Variants in SLC9A9 observed in about 807,000 individuals in gnomAD.
SLC9A9 encodes solute carrier family 9 member A9, also known as sodium/hydrogen exchanger 9.
Under a neutral mutation model 77.8 loss-of-function variants are expected in SLC9A9, and 62 were observed. The ratio of observed to expected loss-of-function variants is 0.80; its 90% CI spans 0.65 to 0.98. The LOEUF (loss-of-function observed/expected upper bound fraction) is 0.98, where lower values mean the gene tolerates loss of function less well. Among genes scored for constraint, SLC9A9 ranks in the 50% least tolerant of loss-of-function variants. The probability of loss-of-function intolerance (pLI) is 0.00; values close to 1 mark genes in which losing one functional copy is unlikely to be tolerated. For missense variants in SLC9A9, 775 were observed against 774.9 expected (o/e 1.00, Z 0.00); for synonymous variants, 320 against 283.5 (o/e 1.13, Z -1.29).
intron 4 of SLC9A9, among the ~76,000 whole-genome samples, chr3:143,779,174 T>C (rs532500776): frequency 1.3e-5 from 2 of 152,200 alleles, no homozygotes; most frequent in Non-Finnish European, 2.9e-5. Context: ...CTATCATAAG[T>C]CTCAAACTTT....
intron 1 of SLC9A9, among the ~76,000 whole-genome samples, chr3:143,834,614 A>T (rs1167284260): frequency 6.7e-6 from 1 of 149,764 alleles, no homozygotes; most frequent in Non-Finnish European, 1.5e-5. Context: ...TCAATGAAAC[A>T]ACAAGAAATA....
intron 14 of SLC9A9, among the ~76,000 whole-genome samples, chr3:143,298,137 G>A (rs1408353919): frequency 6.6e-6 from 1 of 152,176 alleles, no homozygotes; most frequent in Non-Finnish European, 1.5e-5. Flanking sequence ...TTCTACATTA[G>A]GTTTAGCCAT....
intron 14 of SLC9A9, among the ~76,000 whole-genome samples, chr3:143,306,089 T>G (rs1478431014): frequency 6.6e-6 from 1 of 152,012 alleles, no homozygotes; most frequent in Non-Finnish European, 1.5e-5. Context: ...AATGTGAGAC[T>G]GACAAATATG....
At chr3:143,782,321 A>T (rs1008840888) in intron 4 of SLC9A9, among the ~76,000 whole-genome samples, 2 of 152,222 alleles carry the variant, frequency 1.3e-5, no homozygotes, top group Non-Finnish European at 2.9e-5. Flanking sequence ...CAGTGTGCTT[A>T]GGAATTACCT....
At chr3:143,803,535 C>A (rs1001917757) in intron 2 of SLC9A9, among the ~76,000 whole-genome samples, 13 of 152,214 alleles carry the variant, frequency 8.5e-5, no homozygotes, top group African/African-American at 3.1e-4. Context: ...TATCCCCAAA[C>A]TGCCACTCTT....
At chr3:143,274,787 T>C (rs1937997978) in intron 14 of SLC9A9, among the ~76,000 whole-genome samples, 1 of 152,252 alleles carries the variant, frequency 6.6e-6, no homozygotes, top group South Asian at 2.1e-4. Context: ...ATAATACTGA[T>C]AATGCTACCA....
At chr3:143,762,276 C>G (rs1030804839) in intron 4 of SLC9A9, among the ~76,000 whole-genome samples, 4 of 152,162 alleles carry the variant, frequency 2.6e-5, no homozygotes, top group Non-Finnish European at 5.9e-5. Flanking sequence ...ACCAACATGG[C>G]ACATGTATAC....
At chr3:143,287,766 T>C (rs1653809401) in intron 14 of SLC9A9, among the ~76,000 whole-genome samples, 2 of 152,196 alleles carry the variant, frequency 1.3e-5, no homozygotes, top group Admixed American at 6.5e-5. Flanking sequence ...ACCTTCTCAC[T>C]GTAATTAGGA....
At chr3:143,355,506 C>A (rs1576444901) in intron 14 of SLC9A9, among the ~76,000 whole-genome samples, 1 of 152,216 alleles carries the variant, frequency 6.6e-6, no homozygotes, top group Admixed American at 6.5e-5. Flanking sequence ...CCTAAAATTA[C>A]ATAACTAGTA....
At chr3:143,543,478 T>A (rs1381861443) in intron 9 of SLC9A9, among the ~76,000 whole-genome samples, 3 of 152,184 alleles carry the variant, frequency 2.0e-5, no homozygotes, top group Non-Finnish European at 4.4e-5. Context: ...GGGGTACGGC[T>A]GATCCTGTCA....
At chr3:143,655,232 T>C (rs2038867616) in intron 5 of SLC9A9, among the ~76,000 whole-genome samples, 1 of 152,178 alleles carries the variant, frequency 6.6e-6, no homozygotes, top group South Asian at 2.1e-4. Context: ...TCCAAGACTC[T>C]CTGCAGCACC....
At chr3:143,537,840 G>A (rs145913461) in intron 9 of SLC9A9, among the ~76,000 whole-genome samples, 7 of 152,294 alleles carry the variant, frequency 4.6e-5, no homozygotes, top group African/African-American at 1.7e-4. Context: ...CATTCTCACA[G>A]TGTCCCACAA....
chr3:143,442,121 G>A (rs1322395702), intron 12 of SLC9A9, among the ~76,000 whole-genome samples: 1 of 152,150 alleles, frequency 6.6e-6, no homozygotes, highest in African/African-American at 2.4e-5. Flanking sequence ...GAGGGAGACA[G>A]GTTGCTGAGG....
chr3:143,552,431 GA>G lies in SLC9A9; in HGVS notation c.1019del (p.Phe340SerfsTer20). 1 of 1,613,038 alleles carries G rather than the reference GA, an allele frequency of 6.2e-7. No homozygotes were observed. Among genetic ancestry groups the G allele is most frequent in the Non-Finnish European group, 8.5e-7 (1 of 1,179,494 alleles). On this transcript the variant is annotated frameshift_variant, in exon 9 of 16. Transcript: ENST00000316549. LOFTEE classifies it high-confidence loss of function. ...TATAATGTGCTTGTGTGACTCCACA[GA>G]AGAGAACAGCAACTATCCCTGAAAT... ...AGLTGIVAVL[F>X]CGVTQAHYTY... is the part of the protein sequence containing the mutation.
At chr3:143,601,523 G>T (rs1431372336) in intron 6 of SLC9A9, among the ~76,000 whole-genome samples, 4 of 152,170 alleles carry the variant, frequency 2.6e-5, no homozygotes, top group Non-Finnish European at 5.9e-5. Flanking sequence ...TTTCTATTCT[G>T]CAGAACCTCT....
chr3:143,700,749 TG>T (rs1933773407), intron 4 of SLC9A9, among the ~76,000 whole-genome samples: 1 of 152,210 alleles, frequency 6.6e-6, no homozygotes, highest in Non-Finnish European at 1.5e-5. Context: ...CTTGCCACCT[TG>T]AAGGGAAGGA....
At chr3:143,797,542 A>G (rs1474361373) in intron 2 of SLC9A9, among the ~76,000 whole-genome samples, 1 of 152,142 alleles carries the variant, frequency 6.6e-6, no homozygotes, top group South Asian at 2.1e-4. Context: ...AGAAGTGAAA[A>G]TGGCCGGTTC....
At chr3:143,276,764 T>C (rs911795350) in intron 14 of SLC9A9, among the ~76,000 whole-genome samples, 3 of 151,798 alleles carry the variant, frequency 2.0e-5, no homozygotes, top group African/African-American at 7.3e-5. Context: ...TCCCTGGCTG[T>C]AGAGTTTTGT....
chr3:143,444,966 T>C (rs1202221843), intron 12 of SLC9A9, among the ~76,000 whole-genome samples: 2 of 152,166 alleles, frequency 1.3e-5, no homozygotes, highest in Admixed American at 6.5e-5. Flanking sequence ...ATGGACTGTG[T>C]GTCCATCCAC....
Sources: allele counts gnomAD v4.1 joint callset (sites outside exome capture counted in the v4.1 genomes callset), GRCh38; gene constraint gnomAD v4.1.1; transcripts MANE v1.5; gene names NCBI Gene and HGNC (gene_info 2026-07-23, HGNC 2026-07-21).